The following PRUNE2 variants were observed in gnomAD, a reference collection of about 807,000 sequenced individuals.
PRUNE2 encodes prune homolog 2 with BCH domain.
Under a neutral mutation model 252.0 loss-of-function variants are expected in PRUNE2, and 164 were observed. That is an observed-to-expected ratio of 0.65 (90% CI 0.57 to 0.74). The LOEUF (loss-of-function observed/expected upper bound fraction) is 0.74, where lower values mean the gene tolerates loss of function less well. Among genes scored for constraint, PRUNE2 ranks in the 30% least tolerant of loss-of-function variants. The pLI is 0.00. For missense variants in PRUNE2, 3,495 were observed against 3,711.0 expected (o/e 0.94, Z 1.51); for synonymous variants, 1,292 against 1,350.2 (o/e 0.96, Z 0.94).
intron 1 of PRUNE2, among the ~76,000 whole-genome samples, chr9:76,854,790 C>T (rs1440612291): frequency 6.6e-6 from 1 of 151,986 alleles, no homozygotes; most frequent in Admixed American, 6.6e-5. Flanking sequence ...GTCAGCCGGG[C>T]GTGGTGGCTC....
rs746662082 is a variant in PRUNE2 at position 76,707,681 on chromosome 9, A to C, written c.4593T>G (p.Phe1531Leu). 20 of 1,613,956 alleles carry C rather than the reference A, an allele frequency of 1.2e-5. No homozygotes were observed. Among genetic ancestry groups the C allele is most frequent in the Non-Finnish European group, 1.7e-5 (20 of 1,179,854 alleles). Reference sequence around the variant, plus strand: ...ACTCACTAGAAATAGTATCTCTGTCAAAATTTCCAGACGAACCGGCTCCTG... The same window carrying C: ...ACTCACTAGAAATAGTATCTCTGTCCAAATTTCCAGACGAACCGGCTCCTG... ...SLPGAGSSGN[F>L]DRDTISSEYT... is the part of the protein sequence containing the mutation. Residue 1531 changes from phenylalanine (F) to leucine (L), a missense_variant, in exon 8 of 19, where the codon TTT (phenylalanine) becomes TTG (leucine). By Grantham distance (22) the Phe-to-Leu change is conservative. Transcript: ENST00000376718.
At chr9:76,746,564 G>C (rs1280488720) in intron 6 of PRUNE2, among the ~76,000 whole-genome samples, 1 of 151,618 alleles carries the variant, frequency 6.6e-6, no homozygotes, top group East Asian at 2.0e-4. Context: ...AATTAGCCGG[G>C]CGCGGTGGCG....
At chr9:76,644,960 T>G in intron 11 of PRUNE2, 51 bp from the exon 12 acceptor site, 2 of 1,547,680 alleles carry the variant, frequency 1.3e-6, no homozygotes, top group Non-Finnish European at 1.8e-6. Context: ...ACCTCCACAG[T>G]GCAGCTAAAC....
rs563606538 is a variant in PRUNE2 at position 76,825,703 on chromosome 9, G to A, written c.661+877C>T. Among the ~76,000 whole-genome samples, 7 of 152,320 alleles carry A rather than the reference G, an allele frequency of 4.6e-5. No individual in the cohort carries two copies. The South Asian group carries it at 8.3e-4, about 18-fold the overall frequency. On this transcript the variant is annotated intron_variant, in intron 5 of 18. Transcript: ENST00000376718. ...TCCTCCCTCACCTGCAGACTGGGAC[G>A]TCAAAGCACTGACTCTTGGGGTTGT...
chr9:76,706,222 A>G lies in PRUNE2; in HGVS notation c.6052T>C (p.Phe2018Leu), dbSNP rs893358952. The G allele has an allele frequency of 6.2e-7, 1 of 1,613,920 alleles. No individual in the cohort carries two copies. The highest frequency in any genetic ancestry group is 2.2e-5 in the East Asian group (1 of 44,868). Residue 2018 changes from phenylalanine to leucine, a missense_variant, in exon 8 of 19, where the codon TTT (phenylalanine) becomes CTT (leucine). Physicochemically the swap from Phe to Leu is conservative, Grantham distance 22. Coordinates refer to ENST00000376718, the MANE Select transcript of PRUNE2 (RefSeq NM_015225.3). ...MTNSSIATEN[F>L]PAVSSPTQLI... ...TGGGTGGGAGAACTGACAGCAGGAA[A>G]ATTTTCTGTGGCAATGCTTGAATTT...
rs185461513 is a variant in PRUNE2 at position 76,693,688 on chromosome 9, C to T, written c.8276+9649G>A. On this transcript the variant is annotated intron_variant, in intron 9 of 18. Transcript: ENST00000376718. ...TGAACTCCTGACCTCGTGATCCACC[C>T]GCCTTGGCCTCTCAAAGTGCTGGGA... Among the ~76,000 whole-genome samples the T allele has an allele frequency of 3.8e-3, 581 of 152,120 alleles. 5 individuals carry two copies. Among genetic ancestry groups the T allele is most frequent in the African/African-American group, 0.013 (537 of 41,490 alleles).
At position 76,632,185 on chromosome 9, in the gene PRUNE2, T is replaced by C. The variant is rs571323304; in HGVS notation, c.9051-2895A>G. On this transcript the variant is annotated intron_variant, in intron 15 of 18. Coordinates refer to ENST00000376718, the MANE Select transcript of PRUNE2 (RefSeq NM_015225.3). ...CCAGTAATGGGATTGGCAGGTCAAA[T>C]GGTACTTCTGTTTTAAGTTCTTTGA... Among the ~76,000 whole-genome samples the C allele has an allele frequency of 9.8e-5, 15 of 152,372 alleles. No individual in the cohort carries two copies. The South Asian group carries it at 2.9e-3, about 29-fold the overall frequency.
chr9:76,731,623 G>T (rs1034861413), intron 6 of PRUNE2, among the ~76,000 whole-genome samples: 7 of 151,886 alleles, frequency 4.6e-5, no homozygotes, highest in Non-Finnish European at 1.0e-4. Context: ...TGCCCGGCAG[G>T]AACAATAAAT....
chr9:76,630,626 G>A (rs1564376477), intron 15 of PRUNE2, among the ~76,000 whole-genome samples: 1 of 152,162 alleles, frequency 6.6e-6, no homozygotes, highest in South Asian at 2.1e-4. Flanking sequence ...CTGGGTTCAC[G>A]CTATTCTCCT....
intron 9 of PRUNE2, among the ~76,000 whole-genome samples, chr9:76,670,262 C>A (rs1042543982): frequency 5.9e-5 from 9 of 152,066 alleles, no homozygotes; most frequent in Non-Finnish European, 1.3e-4. Flanking sequence ...TCAGGGAGTT[C>A]CCTTTCTGAG....
At chr9:76,724,614 CAG>C (rs1175227011) in intron 6 of PRUNE2, among the ~76,000 whole-genome samples, 2 of 152,166 alleles carry the variant, frequency 1.3e-5, no homozygotes, top group South Asian at 2.1e-4. Context: ...GTTACACAGA[CAG>C]AGAGTTGGGC....
chr9:76,705,615 G>C lies in PRUNE2; in HGVS notation c.6659C>G (p.Pro2220Arg). 1 of 1,613,996 alleles carries C rather than the reference G, an allele frequency of 6.2e-7. No individual in the cohort carries two copies. Among genetic ancestry groups the C allele is most frequent in the Non-Finnish European group, 8.5e-7 (1 of 1,179,858 alleles). ...AATCCTTGGGATTCTTCTGTCAACT[G>C]GTTCCAAAATTGGTGCCATATCTGG... Reference protein sequence around the residue: ...ASPDMAPILEPVDRRIPRIEN... With the variant: ...ASPDMAPILERVDRRIPRIEN... The change falls in exon 8 of 19, where the codon CCA becomes CGA. Residue 2220 changes from proline to arginine, a missense_variant. By Grantham distance (103) the Pro-to-Arg change is moderately radical (BLOSUM62 -2). Coordinates refer to ENST00000376718, the MANE Select transcript of PRUNE2 (RefSeq NM_015225.3).
intron 6 of PRUNE2, among the ~76,000 whole-genome samples, chr9:76,773,827 GAA>G (rs2053400125): frequency 6.6e-6 from 1 of 152,130 alleles, no homozygotes; most frequent in Non-Finnish European, 1.5e-5. Flanking sequence ...ATTCAACAAG[GAA>G]ACTTACTTAG....
chr9:76,692,061 A>G, intron 9 of PRUNE2: 1 of 717,488 alleles, frequency 1.4e-6, no homozygotes, highest in Non-Finnish European at 2.6e-6. Context: ...AAGCTACACC[A>G]GGACCCACCT....
chr9:76,813,758 A>G (rs1239695096), intron 6 of PRUNE2, among the ~76,000 whole-genome samples: 2 of 152,190 alleles, frequency 1.3e-5, no homozygotes, highest in Non-Finnish European at 2.9e-5. Context: ...AATTTACAAT[A>G]AAAGAATAAA....
chr9:76,773,708 T>C (rs1267503345), intron 6 of PRUNE2, among the ~76,000 whole-genome samples: 1 of 152,138 alleles, frequency 6.6e-6, no homozygotes, highest in Non-Finnish European at 1.5e-5. Flanking sequence ...CCTCCCAAAG[T>C]GCTGGGATTA....
At chr9:76,813,577 G>T (rs1275573074) in intron 6 of PRUNE2, among the ~76,000 whole-genome samples, 1 of 152,062 alleles carries the variant, frequency 6.6e-6, no homozygotes, top group Admixed American at 6.5e-5. Flanking sequence ...TTATATTGTT[G>T]ACAAACAAAT....
chr9:76,638,309 C>T (rs764599458), intron 12 of PRUNE2, 21 bp from the exon 13 acceptor site: 11 of 1,524,448 alleles, frequency 7.2e-6, no homozygotes, highest in African/African-American at 1.4e-5. Flanking sequence ...AACAAAAAGA[C>T]ACTTGTAACC....
chr9:76,677,321 A>G (rs2042772439), intron 9 of PRUNE2, among the ~76,000 whole-genome samples: 1 of 152,194 alleles, frequency 6.6e-6, no homozygotes, highest in Non-Finnish European at 1.5e-5. Flanking sequence ...TCTTGTCCTT[A>G]AAGAAAAAAG....
Sources: gnomAD v4.1 joint callset for allele counts (sites outside exome capture counted in the v4.1 genomes callset) on GRCh38, gnomAD v4.1.1 for gene constraint, MANE v1.5 for transcripts, NCBI Gene and HGNC (gene_info 2026-07-23, HGNC 2026-07-21) for gene names.